Variants in OTUD4 observed in about 807,000 individuals in gnomAD.
The protein encoded by OTUD4 is OTU domain-containing protein 4.
In OTUD4, 24 loss-of-function variants were observed where a neutral mutation model predicts 130.4. That is an observed-to-expected ratio of 0.18 (90% CI 0.13 to 0.26). The LOEUF (loss-of-function observed/expected upper bound fraction) is 0.26, where lower values mean the gene tolerates loss of function less well. Ranked by LOEUF, OTUD4 falls within the 10% of genes least tolerant of loss-of-function variation. The pLI, the probability that OTUD4 is intolerant of heterozygous loss-of-function variation, is 1.00. For missense variants in OTUD4, 1,031 were observed against 1,329.4 expected, an observed-to-expected ratio of 0.78 and a Z score of 3.49; for synonymous variants, 420 against 472.5, an observed-to-expected ratio of 0.89 and a Z score of 1.44.
rs1365458494 is a variant in OTUD4 at position 145,180,425 on chromosome 4, A to T, written c.-452T>A. On this transcript the variant is annotated 5_prime_UTR_variant, in exon 1 of 21. Transcript: ENST00000447906. ...GGGCCTGCGCCCCCGCGCACTCCCC[A>T]CGCCGGGAGCCGAGGAAACCAAAAA... Among the ~76,000 whole-genome samples, 3 of 152,166 alleles carry T rather than the reference A, an allele frequency of 2.0e-5. No individual in the cohort carries two copies. In the East Asian group the frequency reaches 5.8e-4, roughly 30 times the overall value.
rs186463598 is a variant in OTUD4, at chr4:145,135,931, T to C, written c.*1499A>G. 1.0e-4 allele frequency: 16 copies of C among 152,766 alleles called. No individual in the cohort carries two copies. Among genetic ancestry groups the C allele is most frequent in the Admixed American group, 2.0e-4 (3 of 15,304 alleles). 9.5% of individuals were successfully genotyped at this position (152,766 alleles called of 1,614,324 possible). A position where few individuals can be genotyped will look rare whatever the true frequency, so the allele number is the denominator to read the frequency against. On this transcript the variant is annotated 3_prime_UTR_variant, in exon 21 of 21. Coordinates refer to ENST00000447906, the MANE Select transcript of OTUD4 (RefSeq NM_001366057.1). ...ACCCAGAAAACCCATCTGTTTCAGT[T>C]TGTCAAATTCAAGTGAATTGTATTT...
At chr4:145,145,125 A>G (rs568614511) in intron 14 of OTUD4, among the ~76,000 whole-genome samples, 12 of 152,340 alleles carry the variant, frequency 7.9e-5, no homozygotes, top group Admixed American at 3.3e-4. Flanking sequence ...CCCATTCTTA[A>G]TAAGAAAGAA....
intron 11 of OTUD4, among the ~76,000 whole-genome samples, 186 bp downstream of exon 11, chr4:145,152,355 C>T (rs1030093670): frequency 6.6e-6 from 1 of 152,154 alleles, no homozygotes; most frequent in Non-Finnish European, 1.5e-5. Flanking sequence ...TCATGATCCA[C>T]CCATCTCGGC....
rs908136057 is a variant in OTUD4, at chr4:145,154,698, T to C, written c.873+713A>G. 3.9e-5 allele frequency among the ~76,000 whole-genome samples: 6 copies of C among 152,276 alleles called. No homozygotes were observed. In the East Asian group the frequency reaches 9.6e-4, roughly 24 times the overall value. ...ACACTTTGGACTAGGTATTTTTTGT[T>C]AGAGGGAGATGAGGGAGGCTGTCCT... On this transcript the variant is annotated intron_variant, in intron 10 of 20. Coordinates refer to ENST00000447906, the MANE Select transcript of OTUD4 (RefSeq NM_001366057.1).
At chr4:145,174,164 C>T (rs1404565418) in intron 2 of OTUD4, among the ~76,000 whole-genome samples, 2 of 152,146 alleles carry the variant, frequency 1.3e-5, no homozygotes, top group Non-Finnish European at 2.9e-5. Flanking sequence ...TGCCACCATG[C>T]CACTACTTTT....
chr4:145,163,842 G>A (rs997632254), intron 5 of OTUD4, among the ~76,000 whole-genome samples: 15 of 151,850 alleles, frequency 9.9e-5, no homozygotes, highest in East Asian at 3.9e-4. Flanking sequence ...TAGTAGCTGG[G>A]ATTACAGGGA....
At chr4:145,141,772 G>C (rs1750574551) in intron 18 of OTUD4, 133 bp from the exon 19 acceptor site, 1 of 705,002 alleles carries the variant, frequency 1.4e-6, no homozygotes, top group Non-Finnish European at 2.2e-6. Flanking sequence ...TATCAACCAA[G>C]AGCCCTCCTG....
At position 145,180,258 on chromosome 4, in the gene OTUD4, T is replaced by C. The variant is rs527871795; in HGVS notation, c.-285A>G. The stretch of plus-strand genomic sequence containing the variant: ...GATTAAGGAAAACCCCGAGAGTGAG[T>C]AGTCACTTCCCGACGGCCTCGCTGC... On this transcript the variant is annotated 5_prime_UTR_variant, in exon 1 of 21. Coordinates refer to ENST00000447906, the MANE Select transcript of OTUD4 (RefSeq NM_001366057.1). The C allele has an allele frequency of 3.9e-5, 6 of 155,006 alleles. No homozygotes were observed. The highest frequency in any genetic ancestry group is 1.2e-4 in the African/African-American group (5 of 41,380). 9.6% of individuals were successfully genotyped at this position (155,006 alleles called of 1,614,324 possible). A position where few individuals can be genotyped will look rare whatever the true frequency, so the allele number is the denominator to read the frequency against.
At chr4:145,172,478 AAC>A (rs1489048344) in intron 2 of OTUD4, among the ~76,000 whole-genome samples, 7 of 152,204 alleles carry the variant, frequency 4.6e-5, no homozygotes, top group East Asian at 3.8e-4. Context: ...TTGACATAAA[AAC>A]AGTTTATTCA....
At chr4:145,146,813 A>C (rs1750850421) in intron 13 of OTUD4, among the ~76,000 whole-genome samples, 1 of 152,228 alleles carries the variant, frequency 6.6e-6, no homozygotes, top group Non-Finnish European at 1.5e-5. Flanking sequence ...TCTCAAAGGG[A>C]AAGTTATTAG....
chr4:145,134,668 G>A lies in OTUD4; in HGVS notation c.*2762C>T. ...TTAGGTCTGCCATGAAAATGAATTT[G>A]TGGGTTATCAGTAAACAGTATGAGG... is the stretch of plus-strand genomic sequence containing the variant. On this transcript the variant is annotated 3_prime_UTR_variant, in exon 21 of 21. Transcript: ENST00000447906. 2.5e-6 allele frequency: 1 copy of A among 398,864 alleles called. No homozygotes were observed. The highest frequency in any genetic ancestry group is 4.4e-6 in the Non-Finnish European group (1 of 225,954). 24.7% of individuals were successfully genotyped at this position (398,864 alleles called of 1,614,324 possible).
chr4:145,138,543 A>G lies in OTUD4; in HGVS notation c.2232T>C (p.Pro744=). The G allele has an allele frequency of 6.2e-7, 1 of 1,614,172 alleles. No homozygotes were observed. The highest frequency in any genetic ancestry group is 1.1e-5 in the South Asian group (1 of 91,082). ...GAGCCTCTTGGAACCAGGGATTATGAGGATAAACAGGGACAGGGACCTTTG... is the reference window on the plus strand; with the variant it reads ...GAGCCTCTTGGAACCAGGGATTATGGGGATAAACAGGGACAGGGACCTTTG... ...MYPKVPVPVY[P]HNPWFQEAPA... is the part of the protein sequence containing the mutation. The change falls in exon 21 of 21, where the codon CCT becomes CCC. Residue 744 remains proline, a synonymous_variant. Coordinates refer to ENST00000447906, the MANE Select transcript of OTUD4 (RefSeq NM_001366057.1).
intron 7 of OTUD4, among the ~76,000 whole-genome samples, chr4:145,157,397 G>C (rs954258024): frequency 6.6e-6 from 1 of 152,080 alleles, no homozygotes; most frequent in African/African-American, 2.4e-5. Flanking sequence ...AAGATCTGAT[G>C]GTCTTACAAA....
chr4:145,148,521 AT>A (rs1750923946), intron 13 of OTUD4, among the ~76,000 whole-genome samples: 1 of 151,934 alleles, frequency 6.6e-6, no homozygotes, highest in African/African-American at 2.4e-5. Flanking sequence ...AAAACTGTTG[AT>A]TAAAAGTATT....
At position 145,144,332 on chromosome 4, in the gene OTUD4, T is replaced by C. The variant is rs1238993559; in HGVS notation, c.1525A>G (p.Thr509Ala). 6.2e-7 allele frequency: 1 copy of C among 1,612,470 alleles called. No individual in the cohort carries two copies. The highest frequency in any genetic ancestry group is 8.5e-7 in the Non-Finnish European group (1 of 1,179,290). The change falls in exon 15 of 21, where the codon ACA (threonine) becomes GCA (alanine). Residue 509 changes from threonine to alanine, a missense_variant. By Grantham distance (58) the Thr-to-Ala change is moderately conservative (BLOSUM62 0). Transcript: ENST00000447906. ...TTACCTTTGTCTTTTCGTTCTTCTGTATCCATTCTCCGCCTGCTTCCTTTT... is the reference window on the plus strand; with the variant it reads ...TTACCTTTGTCTTTTCGTTCTTCTGCATCCATTCTCCGCCTGCTTCCTTTT... ...DRKGSRRRMDTEERKDKDSIH... is the reference protein window; with the variant it reads ...DRKGSRRRMDAEERKDKDSIH...
At chr4:145,142,725 A>G (rs2126743764) in intron 17 of OTUD4, among the ~76,000 whole-genome samples, 1 of 152,240 alleles carries the variant, frequency 6.6e-6, no homozygotes, top group East Asian at 1.9e-4. Context: ...TTTTAAGGCA[A>G]GTGAGCAAAA....
At chr4:145,143,654 G>A (rs1229275067) in intron 16 of OTUD4, among the ~76,000 whole-genome samples, 2 of 152,048 alleles carry the variant, frequency 1.3e-5, no homozygotes, top group African/African-American at 4.8e-5. Flanking sequence ...GTTTTCACTG[G>A]AGGCAAGGCT....
chr4:145,159,852 G>A (rs1247618690), intron 6 of OTUD4, among the ~76,000 whole-genome samples: 3 of 152,144 alleles, frequency 2.0e-5, no homozygotes, highest in East Asian at 3.8e-4. Context: ...TAAAATAATC[G>A]CAAAAGACAG....
At position 145,138,545 on chromosome 4, in the gene OTUD4, G is replaced by A; in HGVS notation, c.2230C>T (p.Pro744Ser). The A allele has an allele frequency of 1.2e-6, 2 of 1,614,170 alleles. No individual in the cohort carries two copies. Among genetic ancestry groups the A allele is most frequent in the Non-Finnish European group, 8.5e-7 (1 of 1,180,032 alleles). Residue 744 changes from proline to serine, a missense_variant, in exon 21 of 21, where the codon CCT (proline) becomes TCT (serine). By Grantham distance (74) the Pro-to-Ser change is moderately conservative. This residue lies in a region of OTUD4 where 900 missense variants were observed against 1,095.9 expected (regional missense o/e 0.82). Transcript: ENST00000447906. ...GCCTCTTGGAACCAGGGATTATGAG[G>A]ATAAACAGGGACAGGGACCTTTGGG... ...MYPKVPVPVYPHNPWFQEAPA... is the reference protein window; with the variant it reads ...MYPKVPVPVYSHNPWFQEAPA...
Sources: gnomAD v4.1 joint callset for allele counts (sites outside exome capture counted in the v4.1 genomes callset) on GRCh38, gnomAD v4.1.1 for gene constraint, gnomAD v4.1.1 regional missense constraint, MANE v1.5 for transcripts, NCBI Gene and HGNC (gene_info 2026-07-23, HGNC 2026-07-21) for gene names.